BANF2: variants seen among roughly 807,000 people sequenced by gnomAD.
BANF2 encodes the protein BANF family member 2, also known as barrier-to-autointegration factor-like protein.
BANF2 carries 4 observed loss-of-function variants against 8.0 expected under a neutral mutation model. That is an observed-to-expected ratio of 0.50 (90% confidence interval 0.25 to 1.14). The LOEUF (loss-of-function observed/expected upper bound fraction) is 1.14, where lower values mean the gene tolerates loss of function less well. BANF2 is among the 50% of genes most tolerant of loss of function. The probability of loss-of-function intolerance (pLI) is 0.16; values close to 1 mark genes in which losing one functional copy is unlikely to be tolerated. For missense variants in BANF2, 96 were observed against 107.5 expected (o/e 0.89, Z 0.47); for synonymous variants, 50 against 40.6 (o/e 1.23, Z -0.88).
intron 3 of BANF2, among the ~76,000 whole-genome samples, chr20:17,732,716 G>A (rs6044979): frequency 0.014 from 2,146 of 152,282 alleles, 51 homozygotes; most frequent in African/African-American, 0.048. Flanking sequence ...CATGGCCACG[G>A]CCACTGTCCA....
intron 3 of BANF2, 73 bp downstream of exon 3, chr20:17,725,224 T>A: frequency 6.6e-7 from 1 of 1,504,308 alleles, no homozygotes; most frequent in Non-Finnish European, 9.2e-7. Flanking sequence ...AGATGGCAGT[T>A]CCTGCCACGT....
chr20:17,707,338 G>A (rs2122581363), intron 1 of BANF2, among the ~76,000 whole-genome samples: 2 of 148,328 alleles, frequency 1.3e-5, no homozygotes, highest in East Asian at 3.9e-4. Context: ...AACCGAGATC[G>A]CACCACTGCA....
At chr20:17,718,283 C>A (rs1041981414) in intron 1 of BANF2, among the ~76,000 whole-genome samples, 2 of 152,188 alleles carry the variant, frequency 1.3e-5, no homozygotes, top group Admixed American at 6.5e-5. Context: ...CAGCTCACTG[C>A]AACCTCTGCC....
chr20:17,723,532 A>G (rs528099216), intron 2 of BANF2, among the ~76,000 whole-genome samples: 23 of 152,330 alleles, frequency 1.5e-4, no homozygotes, highest in African/African-American at 5.5e-4. Flanking sequence ...ACACCTCCCT[A>G]TTGTGTAAAC....
At chr20:17,735,149 C>T (rs963150132) in intron 3 of BANF2, among the ~76,000 whole-genome samples, 2 of 152,052 alleles carry the variant, frequency 1.3e-5, no homozygotes, top group Non-Finnish European at 2.9e-5. Context: ...AAATCCCATG[C>T]TACAACAATT....
At chr20:17,724,980 T>C in intron 2 of BANF2, 43 bp from the exon 3 acceptor site, 1 of 1,573,410 alleles carries the variant, frequency 6.4e-7, no homozygotes, top group South Asian at 1.1e-5. Context: ...CTGGGAGAAG[T>C]CAGGTATCTG....
chr20:17,730,126 T>G (rs2037870544), intron 3 of BANF2, among the ~76,000 whole-genome samples: 1 of 152,232 alleles, frequency 6.6e-6, no homozygotes, highest in South Asian at 2.1e-4. Flanking sequence ...GAAGCAACAC[T>G]TGGCATTTGC....
intron 1 of BANF2, among the ~76,000 whole-genome samples, chr20:17,715,945 A>C (rs909528560): frequency 6.6e-6 from 1 of 152,184 alleles, no homozygotes. Flanking sequence ...CTTCTCTCAG[A>C]GCTGCTTTCC....
At chr20:17,732,437 G>A (rs769525390) in intron 3 of BANF2, among the ~76,000 whole-genome samples, 36 of 152,236 alleles carry the variant, frequency 2.4e-4, no homozygotes, top group Non-Finnish European at 5.0e-4. Context: ...CATAATCTCA[G>A]CTCATGCAAT....
At chr20:17,694,860 A>G (rs1179307631) in intron 1 of BANF2, among the ~76,000 whole-genome samples, 1 of 151,894 alleles carries the variant, frequency 6.6e-6, no homozygotes, top group Non-Finnish European at 1.5e-5. Flanking sequence ...GGACTCAAGC[A>G]ATCTTCCTGC....
At chr20:17,701,343 C>T (rs990531500) in intron 1 of BANF2, among the ~76,000 whole-genome samples, 3 of 152,196 alleles carry the variant, frequency 2.0e-5, no homozygotes, top group African/African-American at 7.2e-5. Flanking sequence ...TTAATTCCGA[C>T]CTCTGTGAAG....
intron 1 of BANF2, among the ~76,000 whole-genome samples, chr20:17,715,907 A>G (rs533993808): frequency 4.5e-4 from 68 of 152,328 alleles, no homozygotes; most frequent in Admixed American, 1.8e-3. Context: ...CAGGCCTGCA[A>G]ATGATTACTG....
chr20:17,701,233 C>CA (rs1600210684), intron 1 of BANF2, among the ~76,000 whole-genome samples: 2 of 152,220 alleles, frequency 1.3e-5, no homozygotes, highest in Non-Finnish European at 2.9e-5. Context: ...GGCGCTAGAG[C>CA]AACCTGTGGT....
At chr20:17,708,619 T>C (rs2037522867) in intron 1 of BANF2, among the ~76,000 whole-genome samples, 1 of 152,212 alleles carries the variant, frequency 6.6e-6, no homozygotes, top group South Asian at 2.1e-4. Context: ...GGTCCTCTTT[T>C]ATCAGCGCCC....
chr20:17,696,946 CTGATGGTGATGATGA>C (rs998630944), upstream of BANF2, among the ~76,000 whole-genome samples: 7 of 151,906 alleles, frequency 4.6e-5, no homozygotes, highest in African/African-American at 7.3e-5. Flanking sequence ...TCTAAGAGAT[CTGATGGTGATGATGA>C]TGATGGTGAT....
upstream of BANF2, among the ~76,000 whole-genome samples, chr20:17,697,783 A>G (rs1224768364): frequency 6.6e-6 from 1 of 152,132 alleles, no homozygotes; most frequent in Non-Finnish European, 1.5e-5. Flanking sequence ...TCTCACGTTG[A>G]AAAGTGATTG....
intron 1 of BANF2, among the ~76,000 whole-genome samples, chr20:17,711,629 C>T (rs777715626): frequency 6.6e-6 from 1 of 152,164 alleles, no homozygotes; most frequent in South Asian, 2.1e-4. Flanking sequence ...GTTGGCTCCA[C>T]CTTGAGACAA....
At chr20:17,708,446 TA>T (rs1376791107) in intron 1 of BANF2, among the ~76,000 whole-genome samples, 1 of 152,160 alleles carries the variant, frequency 6.6e-6, no homozygotes, top group Non-Finnish European at 1.5e-5. Context: ...TACTAGTACA[TA>T]AAAATCTAAA....
chr20:17,724,890 G>T, intron 2 of BANF2, 133 bp from the exon 3 acceptor site: 1 of 930,790 alleles, frequency 1.1e-6, no homozygotes, highest in Non-Finnish European at 1.6e-6. Flanking sequence ...CCCGGGAAAT[G>T]CTGGATGATG....
Sources: gnomAD v4.1 joint callset for allele counts (sites outside exome capture counted in the v4.1 genomes callset) on GRCh38, gnomAD v4.1.1 for gene constraint, MANE v1.5 for transcripts, NCBI Gene and HGNC (gene_info 2026-07-23, HGNC 2026-07-21) for gene names.